The following MSI2 variants were observed in gnomAD, a reference collection of about 807,000 sequenced individuals.
MSI2 encodes RNA-binding protein Musashi homolog 2.
Under a neutral mutation model 45.6 loss-of-function variants are expected in MSI2, and 17 were observed. That is an observed-to-expected ratio of 0.37 (90% confidence interval 0.26 to 0.56). The LOEUF is 0.56. Ranked by LOEUF, MSI2 falls within the 20% of genes least tolerant of loss-of-function variation. The probability of loss-of-function intolerance (pLI) is 0.77; values close to 1 mark genes in which losing one functional copy is unlikely to be tolerated. For missense variants in MSI2, 293 were observed against 444.2 expected (o/e 0.66, Z 3.06); for synonymous variants, 156 against 158.2 (o/e 0.99, Z 0.11).
downstream of MSI2, among the ~76,000 whole-genome samples, chr17:57,687,358 C>G (rs1056493970): frequency 8.6e-5 from 13 of 151,640 alleles, no homozygotes; most frequent in Admixed American, 6.6e-4. Flanking sequence ...AAACATAAGT[C>G]CAAAGGCTGT....
At chr17:57,486,370 A>G (rs145737795) in intron 6 of MSI2, among the ~76,000 whole-genome samples, 74 of 152,288 alleles carry the variant, frequency 4.9e-4, no homozygotes, top group Non-Finnish European at 8.5e-4. Flanking sequence ...TCTCCTTTCT[A>G]TAGGGAAGGG....
At chr17:57,617,693 G>T (rs1245543085) in intron 9 of MSI2, among the ~76,000 whole-genome samples, 1 of 152,154 alleles carries the variant, frequency 6.6e-6, no homozygotes, top group African/African-American at 2.4e-5. Context: ...CTGTAATCGG[G>T]AGGCTTAAGC....
At chr17:57,316,541 G>A (rs1047228688) in intron 5 of MSI2, among the ~76,000 whole-genome samples, 1 of 152,136 alleles carries the variant, frequency 6.6e-6, no homozygotes, top group Admixed American at 6.5e-5. Context: ...GTCCAGGCTG[G>A]TCGCAAACTC....
chr17:57,324,113 G>A (rs1431915782), intron 5 of MSI2, among the ~76,000 whole-genome samples: 1 of 152,210 alleles, frequency 6.6e-6, no homozygotes, highest in African/African-American at 2.4e-5. Context: ...TTTAAGACCA[G>A]CCTGGGTAAC....
chr17:57,612,192 TGA>T (rs1338714953), intron 8 of MSI2, among the ~76,000 whole-genome samples: 1 of 95,034 alleles, frequency 1.1e-5, no homozygotes, highest in African/African-American at 3.3e-5. Context: ...AGGGGCAGGT[TGA>T]TGTGTGAGTA....
chr17:57,519,035 G>A (rs2086529338), intron 6 of MSI2, among the ~76,000 whole-genome samples: 1 of 152,094 alleles, frequency 6.6e-6, no homozygotes, highest in South Asian at 2.1e-4. Context: ...GTGGTGCTTG[G>A]GCCCACGGCT....
chr17:57,263,712 G>A (rs1256594707), intron 5 of MSI2: 1 of 152,238 alleles, frequency 6.6e-6, no homozygotes, highest in East Asian at 1.9e-4. Flanking sequence ...TTTTAAATGA[G>A]AAAAGCAATA....
chr17:57,639,274 G>C (rs569805681), intron 10 of MSI2, among the ~76,000 whole-genome samples: 2 of 152,250 alleles, frequency 1.3e-5, no homozygotes, highest in Admixed American at 6.5e-5. Context: ...CCAGGCAGAT[G>C]ATGAGGGAGG....
At chr17:57,541,851 A>T (rs562485180) in intron 7 of MSI2, among the ~76,000 whole-genome samples, 19 of 152,226 alleles carry the variant, frequency 1.2e-4, no homozygotes, top group African/African-American at 4.1e-4. Context: ...CTTGCCACCC[A>T]TCTTGGTATC....
chr17:57,359,916 T>C (rs1218516031), intron 5 of MSI2, among the ~76,000 whole-genome samples: 5 of 152,228 alleles, frequency 3.3e-5, no homozygotes, highest in Admixed American at 2.6e-4. Context: ...TTATTTGTGA[T>C]GTGGGGTATT....
chr17:57,645,852 G>C (rs77795923), intron 10 of MSI2, among the ~76,000 whole-genome samples: 1,816 of 152,290 alleles, frequency 0.012, 34 homozygotes, highest in African/African-American at 0.041. Flanking sequence ...TGAGCAACCA[G>C]GGTTGAGAAT....
chr17:57,266,954 T>C (rs2143234116), intron 5 of MSI2: 1 of 152,490 alleles, frequency 6.6e-6, no homozygotes, highest in African/African-American at 2.4e-5. Flanking sequence ...TGGAAGGTTC[T>C]CTGCTAAGCA....
intron 6 of MSI2, among the ~76,000 whole-genome samples, chr17:57,447,522 C>T (rs1376771441): frequency 6.6e-6 from 1 of 152,078 alleles, no homozygotes; most frequent in Admixed American, 6.5e-5. Flanking sequence ...CACATGAGTA[C>T]GGCCCAGCTG....
chr17:57,460,795 GA>G (rs1448446883), intron 6 of MSI2, among the ~76,000 whole-genome samples: 6 of 152,122 alleles, frequency 3.9e-5, no homozygotes, highest in Non-Finnish European at 7.3e-5. Context: ...CCATTGAGCC[GA>G]GAAGGGAGAG....
chr17:57,322,598 A>G (rs1201409598), intron 5 of MSI2, among the ~76,000 whole-genome samples: 2 of 152,166 alleles, frequency 1.3e-5, no homozygotes, highest in African/African-American at 4.8e-5. Flanking sequence ...AACATAAACA[A>G]CAAACCACGT....
chr17:57,440,025 G>T (rs967158716), intron 6 of MSI2, among the ~76,000 whole-genome samples: 1 of 152,184 alleles, frequency 6.6e-6, no homozygotes, highest in Non-Finnish European at 1.5e-5. Flanking sequence ...GAGGCTGAGT[G>T]ATCTATCTCC....
chr17:57,548,388 G>A (rs141192512), intron 7 of MSI2, among the ~76,000 whole-genome samples: 2 of 152,180 alleles, frequency 1.3e-5, no homozygotes, highest in East Asian at 1.9e-4. Flanking sequence ...TAATTGGGGC[G>A]GAGAGGCAGT....
At chr17:57,514,151 G>A (rs1484004842) in intron 6 of MSI2, among the ~76,000 whole-genome samples, 1 of 152,174 alleles carries the variant, frequency 6.6e-6, no homozygotes, top group Non-Finnish European at 1.5e-5. Flanking sequence ...GTTGGCCCCT[G>A]TACTATTTCA....
intron 5 of MSI2, among the ~76,000 whole-genome samples, chr17:57,305,985 A>G (rs1470834381): frequency 6.6e-6 from 1 of 152,196 alleles, no homozygotes; most frequent in Non-Finnish European, 1.5e-5. Context: ...GATTCATTCA[A>G]CACATATTTA....
Sources: allele counts gnomAD v4.1 joint callset (sites outside exome capture counted in the v4.1 genomes callset), GRCh38; gene constraint gnomAD v4.1.1; transcripts MANE v1.5; gene names NCBI Gene and HGNC (gene_info 2026-07-23, HGNC 2026-07-21).